DPP10: variants seen among roughly 807,000 people sequenced by gnomAD.
DPP10 encodes inactive dipeptidyl peptidase 10.
DPP10 carries 33 observed loss-of-function variants against 120.9 expected under a neutral mutation model. The ratio of observed to expected loss-of-function variants is 0.27; its 90% CI spans 0.21 to 0.37. The LOEUF is 0.37. Ranked by LOEUF, DPP10 falls within the 10% of genes least tolerant of loss-of-function variation. The pLI is 1.00. For synonymous variants in DPP10, 337 were observed against 326.1 expected (o/e 1.03, Z -0.36); for missense variants, 816 against 942.8 (o/e 0.87, Z 1.76).
chr2:115,544,173 C>A (rs1380270774), intron 5 of DPP10, among the ~76,000 whole-genome samples: 2 of 151,704 alleles, frequency 1.3e-5, no homozygotes, highest in Non-Finnish European at 2.9e-5. Flanking sequence ...TCACAAAAAC[C>A]ATAATAAAAA....
At chr2:115,356,611 A>G (rs1414815909) in intron 3 of DPP10, among the ~76,000 whole-genome samples, 1 of 152,078 alleles carries the variant, frequency 6.6e-6, no homozygotes, top group Non-Finnish European at 1.5e-5. Flanking sequence ...GTAGTGAGAG[A>G]GGGCATCCTT....
At chr2:115,371,038 G>A (rs1517362) in intron 3 of DPP10, among the ~76,000 whole-genome samples, 102,202 of 151,972 alleles carry the variant, frequency 0.67, 34,728 homozygotes, top group Admixed American at 0.75. Context: ...AAAATTAAAG[G>A]TTTAAACATT....
intron 1 of DPP10, among the ~76,000 whole-genome samples, chr2:114,748,362 T>TTTATTTA (rs1200399708): frequency 1.6e-5 from 2 of 124,730 alleles, no homozygotes; most frequent in Non-Finnish European, 3.2e-5. Flanking sequence ...TTTTTTTTTA[T>TTTATTTA]TTTATTTATT....
intron 1 of DPP10, among the ~76,000 whole-genome samples, chr2:114,449,538 C>T (rs1036481938): frequency 2.0e-5 from 3 of 151,412 alleles, no homozygotes; most frequent in Non-Finnish European, 4.4e-5. Context: ...CTACTACCTG[C>T]AAACGGATAT....
chr2:114,749,862 T>A (rs1574099830), intron 1 of DPP10, among the ~76,000 whole-genome samples: 1 of 152,174 alleles, frequency 6.6e-6, no homozygotes, highest in Non-Finnish European at 1.5e-5. Flanking sequence ...GTTGTAAATT[T>A]GTCCTAGATC....
chr2:115,037,861 T>C (rs1421425344), intron 1 of DPP10, among the ~76,000 whole-genome samples: 1 of 152,218 alleles, frequency 6.6e-6, no homozygotes. Flanking sequence ...TAAAGAGTAA[T>C]AATCTAGTCT....
chr2:115,813,369 G>T, intron 19 of DPP10, among the ~76,000 whole-genome samples: 1 of 152,104 alleles, frequency 6.6e-6, no homozygotes, highest in Non-Finnish European at 1.5e-5. Flanking sequence ...CCCTCTTTGC[G>T]CCTCTTCATA....
intron 1 of DPP10, among the ~76,000 whole-genome samples, chr2:115,116,998 C>T (rs1390610495): frequency 6.6e-6 from 1 of 152,118 alleles, no homozygotes; most frequent in Non-Finnish European, 1.5e-5. Flanking sequence ...TTTGCTGTAT[C>T]TTTTTATTTA....
At chr2:114,859,779 G>A (rs1436782853) in intron 1 of DPP10, among the ~76,000 whole-genome samples, 1 of 152,102 alleles carries the variant, frequency 6.6e-6, no homozygotes, top group Admixed American at 6.5e-5. Flanking sequence ...TCAGCCAATT[G>A]TTTTGACATA....
At chr2:114,833,382 G>T (rs1449204004) in intron 1 of DPP10, 1 of 151,696 alleles carries the variant, frequency 6.6e-6, no homozygotes, top group South Asian at 2.1e-4. Context: ...CCAGGTTTCA[G>T]CTGATATATT....
At chr2:115,430,310 C>T (rs1382575583) in intron 3 of DPP10, among the ~76,000 whole-genome samples, 1 of 152,088 alleles carries the variant, frequency 6.6e-6, no homozygotes, top group Non-Finnish European at 1.5e-5. Context: ...GCTGCCAGAT[C>T]CACCGTTGGA....
At chr2:115,333,048 G>A (rs984636319) in intron 2 of DPP10, among the ~76,000 whole-genome samples, 4 of 152,080 alleles carry the variant, frequency 2.6e-5, no homozygotes, top group Admixed American at 1.3e-4. Context: ...TTAATATTGT[G>A]TGGGAGTCTA....
chr2:114,829,108 G>T (rs1686834409), intron 1 of DPP10, among the ~76,000 whole-genome samples: 1 of 151,908 alleles, frequency 6.6e-6, no homozygotes. Flanking sequence ...CCAAGATGGT[G>T]AAACCCCATC....
chr2:114,870,102 G>T (rs766116460), intron 1 of DPP10, among the ~76,000 whole-genome samples: 28 of 152,184 alleles, frequency 1.8e-4, no homozygotes, highest in South Asian at 1.7e-3. Context: ...CTTGGGCATG[G>T]ATCTCAACAA....
chr2:115,673,570 C>T (rs897055801), intron 5 of DPP10, among the ~76,000 whole-genome samples: 3 of 152,148 alleles, frequency 2.0e-5, no homozygotes, highest in Non-Finnish European at 4.4e-5. Context: ...TCTGTCCAGT[C>T]GTGTGTCAGC....
At chr2:114,837,060 A>G (rs1238458554) in intron 1 of DPP10, among the ~76,000 whole-genome samples, 1 of 152,150 alleles carries the variant, frequency 6.6e-6, no homozygotes, top group East Asian at 1.9e-4. Flanking sequence ...TTGTGGAGTT[A>G]ATGCAATCAT....
At chr2:114,833,603 T>C (rs534490026) in intron 1 of DPP10, 3 of 152,214 alleles carry the variant, frequency 2.0e-5, no homozygotes, top group Non-Finnish European at 4.4e-5. Flanking sequence ...GAATTTTGAT[T>C]GCAGTGTGTT....
intron 1 of DPP10, among the ~76,000 whole-genome samples, chr2:115,169,250 A>G (rs1048089278): frequency 6.6e-6 from 1 of 152,294 alleles, no homozygotes; most frequent in African/African-American, 2.4e-5. Flanking sequence ...TAGAGAATCT[A>G]TGTGAATGAG....
intron 3 of DPP10, among the ~76,000 whole-genome samples, chr2:115,383,003 T>G (rs2066535324): frequency 6.6e-6 from 1 of 152,206 alleles, no homozygotes; most frequent in Non-Finnish European, 1.5e-5. Context: ...AGACAACTCC[T>G]TATGATTTTT....
Sources: gnomAD v4.1 joint callset for allele counts (sites outside exome capture counted in the v4.1 genomes callset) on GRCh38, gnomAD v4.1.1 for gene constraint, MANE v1.5 for transcripts, NCBI Gene and HGNC (gene_info 2026-07-23, HGNC 2026-07-21) for gene names.